Variants in ZFAND6 observed in about 807,000 individuals in gnomAD.
ZFAND6 encodes AN1-type zinc finger protein 6.
ZFAND6 carries 12 observed loss-of-function variants against 24.5 expected under a neutral mutation model. The observed-to-expected ratio is 0.49, with a 90% confidence interval of 0.31 to 0.79. The LOEUF is 0.79. ZFAND6 is among the 30% of genes least tolerant of loss of function. The pLI, the probability that ZFAND6 is intolerant of heterozygous loss-of-function variation, is 0.04. For synonymous variants in ZFAND6, 92 were observed against 81.5 expected (o/e 1.13, Z -0.69); for missense variants, 207 against 245.9 (o/e 0.84, Z 1.06).
intron 2 of ZFAND6, among the ~76,000 whole-genome samples, chr15:80,119,817 A>G (rs1485334402): frequency 6.6e-6 from 1 of 152,176 alleles, no homozygotes; most frequent in Non-Finnish European, 1.5e-5. Flanking sequence ...ATTTATTATC[A>G]TTTTACAAGC....
At chr15:80,079,998 C>CT (rs1250393980) in intron 1 of ZFAND6, among the ~76,000 whole-genome samples, 1 of 150,562 alleles carries the variant, frequency 6.6e-6, no homozygotes, top group Non-Finnish European at 1.5e-5. Context: ...TTTTTTTTCC[C>CT]TTTCTTTTTT....
chr15:80,075,140 T>C (rs918747130), intron 1 of ZFAND6: 5 of 153,570 alleles, frequency 3.3e-5, no homozygotes, highest in African/African-American at 1.2e-4. Context: ...TAATGTCTAC[T>C]TTTATTGTTT....
At chr15:80,108,343 G>A (rs1181275314) in intron 2 of ZFAND6, among the ~76,000 whole-genome samples, 3 of 152,146 alleles carry the variant, frequency 2.0e-5, no homozygotes, top group African/African-American at 7.2e-5. Context: ...GAAGTACAAA[G>A]TCTACATAGT....
At chr15:80,086,219 G>A (rs1260945472) in intron 1 of ZFAND6, among the ~76,000 whole-genome samples, 1 of 151,840 alleles carries the variant, frequency 6.6e-6, no homozygotes, top group Non-Finnish European at 1.5e-5. Flanking sequence ...TGTATTTTTA[G>A]TAGAGATGGG....
intron 1 of ZFAND6, among the ~76,000 whole-genome samples, chr15:80,093,749 ATAACT>A (rs1217278840): frequency 6.6e-6 from 1 of 152,230 alleles, no homozygotes; most frequent in Non-Finnish European, 1.5e-5. Flanking sequence ...AGTTAGATAG[ATAACT>A]TAATTTGGAG....
At chr15:80,070,624 C>G (rs886965428) in intron 1 of ZFAND6, among the ~76,000 whole-genome samples, 1 of 152,112 alleles carries the variant, frequency 6.6e-6, no homozygotes, top group African/African-American at 2.4e-5. Flanking sequence ...GTTCTCTTTT[C>G]TCTTGGTTAT....
intron 2 of ZFAND6, chr15:80,114,895 A>G (rs907454044): frequency 2.6e-5 from 4 of 152,220 alleles, no homozygotes; most frequent in Non-Finnish European, 4.4e-5. Flanking sequence ...AAATAAATGG[A>G]ATTTAAAAGG....
intron 2 of ZFAND6, among the ~76,000 whole-genome samples, chr15:80,114,139 T>C (rs761834471): frequency 1.3e-5 from 2 of 152,316 alleles, no homozygotes; most frequent in South Asian, 2.1e-4. Context: ...AGAACAGTTA[T>C]TGAAATTTTG....
chr15:80,060,252 T>C (rs549578701), intron 1 of ZFAND6: 25 of 152,202 alleles, frequency 1.6e-4, no homozygotes, highest in Admixed American at 1.6e-3. Context: ...TCTCAGGTCC[T>C]CTTCGGGATG....
intron 1 of ZFAND6, among the ~76,000 whole-genome samples, chr15:80,070,066 A>T (rs2036888452): frequency 6.6e-6 from 1 of 152,214 alleles, no homozygotes; most frequent in Non-Finnish European, 1.5e-5. Flanking sequence ...TTTCTTTTGT[A>T]GGAAGAGCAG....
intron 1 of ZFAND6, among the ~76,000 whole-genome samples, chr15:80,088,386 G>C (rs1306972795): frequency 3.3e-5 from 5 of 152,060 alleles, no homozygotes; most frequent in Admixed American, 6.5e-5. Flanking sequence ...TGACCAACAT[G>C]GTGAAACCCT....
intron 2 of ZFAND6, among the ~76,000 whole-genome samples, chr15:80,119,302 T>TA (rs2040040544): frequency 6.6e-6 from 1 of 152,182 alleles, no homozygotes; most frequent in South Asian, 2.1e-4. Context: ...CTTAAAAAAA[T>TA]AAAAATTTCC....
chr15:80,102,817 A>G (rs1355728204), intron 2 of ZFAND6, among the ~76,000 whole-genome samples: 1 of 152,246 alleles, frequency 6.6e-6, no homozygotes, highest in Non-Finnish European at 1.5e-5. Flanking sequence ...TATTAATGTT[A>G]TGTTCTAAAA....
At chr15:80,064,422 T>C (rs1280312146) in intron 1 of ZFAND6, among the ~76,000 whole-genome samples, 1 of 152,176 alleles carries the variant, frequency 6.6e-6, no homozygotes, top group Non-Finnish European at 1.5e-5. Context: ...ATTTCTTTAA[T>C]TAATTATGAT....
At chr15:80,063,524 T>C (rs541279271) in intron 1 of ZFAND6, among the ~76,000 whole-genome samples, 8 of 151,850 alleles carry the variant, frequency 5.3e-5, no homozygotes, top group African/African-American at 1.9e-4. Context: ...CCCGAGTAGC[T>C]GAGACTACAG....
At chr15:80,123,997 A>AGAATATTCTGTGTGGTCAACGT (rs1233929096) in intron 5 of ZFAND6, among the ~76,000 whole-genome samples, 1 of 151,802 alleles carries the variant, frequency 6.6e-6, no homozygotes, top group Non-Finnish European at 1.5e-5. Context: ...CCGTAACAAA[A>AGAATATTCTGTGTGGTCAACGT]GAATATTCTG....
rs2040097845 is a variant in ZFAND6 at position 80,120,479 on chromosome 15, T to C, written c.135T>C (p.Asn45=). ...ATCTTCAAAGACAGAATAGTAGTAATGGTAGAATAAGCCCACCTGGTAAGT... is the reference window on the plus strand; with the variant it reads ...ATCTTCAAAGACAGAATAGTAGTAACGGTAGAATAAGCCCACCTGGTAAGT... ...KEHLQRQNSS[N]GRISPPATSV... The change falls in exon 3 of 7, where the codon AAT becomes AAC. Residue 45 remains asparagine, a synonymous_variant. Coordinates refer to ENST00000261749, the MANE Select transcript of ZFAND6 (RefSeq NM_019006.4). 2 of 1,556,330 alleles carry C rather than the reference T, an allele frequency of 1.3e-6. No individual in the cohort carries two copies. Among genetic ancestry groups the C allele is most frequent in the African/African-American group, 2.7e-5 (2 of 73,204 alleles).
intron 1 of ZFAND6, among the ~76,000 whole-genome samples, chr15:80,073,519 G>A (rs2037094968): frequency 6.6e-6 from 1 of 151,880 alleles, no homozygotes; most frequent in African/African-American, 2.4e-5. Context: ...CCAAAAGCCA[G>A]CTAAGCATTT....
chr15:80,137,532 T>G lies in ZFAND6; in HGVS notation c.531T>G (p.Asp177Glu). ...NVYCGVHRYS[D>E]VHNCSYNYKA... ...ACTGTGGTGTACACCGTTACTCAGA[T>G]GTACACAATTGCTCTTACAATTACA... Residue 177 changes from aspartate (D) to glutamate (E), a missense_variant, in exon 7 of 7, where the codon GAT (aspartate) becomes GAG (glutamate). Asp to Glu is a conservative substitution (Grantham distance 45, BLOSUM62 2). Transcript: ENST00000261749. 1 of 1,607,708 alleles carries G rather than the reference T, an allele frequency of 6.2e-7. No homozygotes were observed. The highest frequency in any genetic ancestry group is 8.5e-7 in the Non-Finnish European group (1 of 1,178,288).
Sources: gnomAD v4.1 joint callset for allele counts (sites outside exome capture counted in the v4.1 genomes callset) on GRCh38, gnomAD v4.1.1 for gene constraint, MANE v1.5 for transcripts, NCBI Gene and HGNC (gene_info 2026-07-23, HGNC 2026-07-21) for gene names.